AKAP19: variants seen among roughly 807,000 people sequenced by gnomAD.
The protein encoded by AKAP19 is A-kinase anchoring protein 19, also known as small A-kinase anchoring protein.
At chr2:189,902,036 TTTATTA>T in the AKAP19 span, among the ~76,000 whole-genome samples, 3 of 152,216 alleles carry the variant, frequency 2.0e-5, no homozygotes, top group South Asian at 4.1e-4. Context: ...GTTATTTATT[TTTATTA>T]TTAACATTGA....
chr2:190,031,292 G>T, the AKAP19 span, among the ~76,000 whole-genome samples: 5 of 152,168 alleles, frequency 3.3e-5, no homozygotes, highest in South Asian at 1.0e-3. Context: ...GGAAAAATAA[G>T]CTAAAGCCTG....
chr2:190,075,399 G>C, the AKAP19 span, among the ~76,000 whole-genome samples: 1 of 152,052 alleles, frequency 6.6e-6, no homozygotes, highest in Non-Finnish European at 1.5e-5. Context: ...GTCAAGTCAG[G>C]TTTGTTTAAG....
At chr2:190,196,177 G>C in the AKAP19 span, among the ~76,000 whole-genome samples, 1 of 151,804 alleles carries the variant, frequency 6.6e-6, no homozygotes, top group African/African-American at 2.4e-5. Context: ...GTCTTCTTCT[G>C]GGTTAAACGT....
the AKAP19 span, among the ~76,000 whole-genome samples, chr2:190,061,603 T>G: frequency 6.6e-6 from 1 of 152,056 alleles, no homozygotes; most frequent in Non-Finnish European, 1.5e-5. Context: ...TTTTCTAATA[T>G]TTAGTTCATG....
chr2:190,086,603 T>C, the AKAP19 span, among the ~76,000 whole-genome samples: 1 of 152,200 alleles, frequency 6.6e-6, no homozygotes, highest in Admixed American at 6.5e-5. Flanking sequence ...TCAGTTATCA[T>C]TTTAGCTAGG....
At chr2:189,922,056 G>A in the AKAP19 span, among the ~76,000 whole-genome samples, 1 of 152,176 alleles carries the variant, frequency 6.6e-6, no homozygotes, top group Non-Finnish European at 1.5e-5. Context: ...TAACAATAAA[G>A]TAGAAATGTG....
chr2:189,925,273 C>T, the AKAP19 span, among the ~76,000 whole-genome samples: 2 of 152,118 alleles, frequency 1.3e-5, no homozygotes, highest in Middle Eastern at 3.4e-3. Flanking sequence ...ATGTAATCCT[C>T]GGTGGTTTAG....
At chr2:190,073,800 C>A in the AKAP19 span, among the ~76,000 whole-genome samples, 3 of 151,912 alleles carry the variant, frequency 2.0e-5, no homozygotes, top group Admixed American at 1.3e-4. Flanking sequence ...GCCTGTAATC[C>A]CAGCACTTTG....
the AKAP19 span, among the ~76,000 whole-genome samples, chr2:189,932,636 G>A: frequency 2.0e-5 from 3 of 150,754 alleles, no homozygotes; most frequent in African/African-American, 4.9e-5. Flanking sequence ...ACCTGGGGAC[G>A]TCGAGGCTGC....
chr2:190,086,232 A>G, the AKAP19 span, among the ~76,000 whole-genome samples: 1 of 152,224 alleles, frequency 6.6e-6, no homozygotes, highest in African/African-American at 2.4e-5. Context: ...AATTTGTACA[A>G]TGTAATGACA....
chr2:190,103,763 G>T, the AKAP19 span, among the ~76,000 whole-genome samples: 1 of 152,114 alleles, frequency 6.6e-6, no homozygotes, highest in African/African-American at 2.4e-5. Flanking sequence ...CCACACTGCC[G>T]AAAGCAATCT....
the AKAP19 span, among the ~76,000 whole-genome samples, chr2:189,982,057 A>G: frequency 2.6e-5 from 4 of 152,156 alleles, no homozygotes; most frequent in African/African-American, 9.7e-5. Context: ...CTGTCTACCC[A>G]AGATTAGGGA....
chr2:189,971,704 C>A, the AKAP19 span, among the ~76,000 whole-genome samples: 3 of 152,116 alleles, frequency 2.0e-5, no homozygotes, highest in South Asian at 4.2e-4. Context: ...TATCTCATTG[C>A]GGTTTTGATT....
chr2:190,019,778 T>A, the AKAP19 span, among the ~76,000 whole-genome samples: 1,009 of 152,284 alleles, frequency 6.6e-3, 6 homozygotes, highest in Middle Eastern at 0.014. Context: ...ATCCTCTCTG[T>A]TTGGTGCTGT....
At chr2:189,997,957 G>A in the AKAP19 span, among the ~76,000 whole-genome samples, 2 of 152,166 alleles carry the variant, frequency 1.3e-5, no homozygotes, top group Non-Finnish European at 2.9e-5. Flanking sequence ...GGTTTGAGCT[G>A]GAGAATGGGA....
chr2:189,991,351 A>C, the AKAP19 span, among the ~76,000 whole-genome samples: 1 of 152,192 alleles, frequency 6.6e-6, no homozygotes, highest in Admixed American at 6.5e-5. Flanking sequence ...TATCCACTGC[A>C]ACATCTATTA....
chr2:189,985,550 T>A, the AKAP19 span, among the ~76,000 whole-genome samples: 1 of 152,158 alleles, frequency 6.6e-6, no homozygotes, highest in East Asian at 1.9e-4. Context: ...GAGTGGCCTC[T>A]AAGAGCTGAG....
the AKAP19 span, among the ~76,000 whole-genome samples, chr2:190,129,936 A>G: frequency 1.3e-5 from 2 of 151,938 alleles, no homozygotes; most frequent in Admixed American, 1.3e-4. Context: ...ATATTTTTCT[A>G]TCTTGTGGTT....
the AKAP19 span, among the ~76,000 whole-genome samples, chr2:190,003,890 C>A: frequency 6.6e-6 from 1 of 151,996 alleles, no homozygotes; most frequent in African/African-American, 2.4e-5. Flanking sequence ...AAGTTGTATT[C>A]CTACTTATTA....
Sources: allele counts gnomAD v4.1 joint callset (sites outside exome capture counted in the v4.1 genomes callset), GRCh38; gene constraint gnomAD v4.1.1; transcripts MANE v1.5; gene names NCBI Gene and HGNC (gene_info 2026-07-23, HGNC 2026-07-21).